The following C6orf62 variants were observed in gnomAD, a reference collection of about 807,000 sequenced individuals.
C6orf62 encodes uncharacterized protein C6orf62.
A neutral mutation model predicts 26.8 loss-of-function variants in C6orf62; 16 were observed. The ratio of observed to expected loss-of-function variants is 0.60; its 90% CI spans 0.40 to 0.91. C6orf62 has a LOEUF of 0.91. Among genes scored for constraint, C6orf62 ranks in the 40% least tolerant of loss-of-function variants. The probability of loss-of-function intolerance (pLI) is 0.00; values close to 1 mark genes in which losing one functional copy is unlikely to be tolerated. For synonymous variants in C6orf62, 112 were observed against 91.5 expected (o/e 1.22, Z -1.28); for missense variants, 192 against 271.4 (o/e 0.71, Z 2.06).
intron 1 of C6orf62, 66 bp downstream of exon 1, chr6:24,718,474 A>G: frequency 7.1e-7 from 1 of 1,414,528 alleles, no homozygotes; most frequent in Non-Finnish European, 9.8e-7. Context: ...ATAATTTAAG[A>G]GTAACAAATA....
intron 3 of C6orf62, among the ~76,000 whole-genome samples, chr6:24,712,192 C>A (rs1779132735): frequency 6.6e-6 from 1 of 151,738 alleles, no homozygotes; most frequent in South Asian, 2.1e-4. Flanking sequence ...CCACCCTGGC[C>A]AACATAGCAA....
At chr6:24,712,340 C>T (rs928080317) in intron 3 of C6orf62, among the ~76,000 whole-genome samples, 1 of 151,794 alleles carries the variant, frequency 6.6e-6, no homozygotes, top group Non-Finnish European at 1.5e-5. Flanking sequence ...CAAGATCACG[C>T]CACCACACTC....
At chr6:24,720,050 A>C, upstream of C6orf62, 13 of 1,317,050 alleles carry the variant, frequency 9.9e-6, 1 homozygote, top group South Asian at 1.8e-4. Flanking sequence ...AAGTTCCCGG[A>C]TTAGCTCTCT....
At chr6:24,709,243 G>C in intron 3 of C6orf62, 1 of 985,212 alleles carries the variant, frequency 1.0e-6, no homozygotes, top group African/African-American at 1.7e-5. Context: ...CTCCACAACA[G>C]CAGTTGATCA....
intron 3 of C6orf62, among the ~76,000 whole-genome samples, chr6:24,713,345 A>G (rs1362156433): frequency 6.6e-6 from 1 of 152,242 alleles, no homozygotes; most frequent in South Asian, 2.1e-4. Context: ...AATTAATCTT[A>G]AAACATTAAA....
At chr6:24,719,598 C>G, upstream of C6orf62, 1 of 1,399,532 alleles carries the variant, frequency 7.1e-7, no homozygotes, top group Non-Finnish European at 9.3e-7. Context: ...ATTAATTATT[C>G]CGGCTCTGTG....
Position 24,714,448 on chromosome 6 carries a change from A to T in C6orf62, c.307-8T>A. ...AGTACAGCCAATTACATCCTATAAA[A>T]TGATTAAAAAAAAAAAAGTTTACTT... is the stretch of plus-strand genomic sequence containing the variant. On this transcript the variant is annotated splice_region_variant and splice_polypyrimidine_tract_variant and intron_variant, in intron 2 of 4. Transcript: ENST00000378119. 6.5e-7 allele frequency: 1 copy of T among 1,542,038 alleles called. No homozygotes were observed. The highest frequency in any genetic ancestry group is 1.2e-5 in the South Asian group (1 of 82,208).
intron 3 of C6orf62, 57 bp downstream of exon 3, chr6:24,714,261 T>C: frequency 7.1e-7 from 1 of 1,410,646 alleles, no homozygotes; most frequent in South Asian, 1.4e-5. Flanking sequence ...TTAGACCCTA[T>C]TATATTCTAG....
intron 2 of C6orf62, 108 bp downstream of exon 2, chr6:24,716,040 G>T (rs1289245914): frequency 6.5e-6 from 5 of 772,788 alleles, no homozygotes; most frequent in Non-Finnish European, 1.1e-5. Context: ...TACCTGAAGA[G>T]ACTGGTCACT....
upstream of C6orf62, chr6:24,719,824 C>A: frequency 6.5e-7 from 1 of 1,547,812 alleles, no homozygotes; most frequent in South Asian, 1.2e-5. Context: ...CCGCAGGTCC[C>A]ACCCCCACCC....
At chr6:24,711,428 G>C (rs1779118440) in intron 3 of C6orf62, among the ~76,000 whole-genome samples, 1 of 152,152 alleles carries the variant, frequency 6.6e-6, no homozygotes, top group Non-Finnish European at 1.5e-5. Flanking sequence ...GTACACTGAA[G>C]AACTCAGTAT....
intron 3 of C6orf62, among the ~76,000 whole-genome samples, chr6:24,711,279 T>C (rs769679278): frequency 5.2e-4 from 78 of 149,320 alleles, no homozygotes; most frequent in Non-Finnish European, 7.8e-4. Flanking sequence ...CAACTTCTCA[T>C]AAGCAGCATG....
At chr6:24,709,532 A>T in intron 3 of C6orf62, 2 of 981,254 alleles carry the variant, frequency 2.0e-6, no homozygotes, top group Non-Finnish European at 2.4e-6. Flanking sequence ...GCTGTAACCC[A>T]TTTCACAGGA....
chr6:24,720,526 CAAAGA>C, upstream of C6orf62: 1 of 398,424 alleles, frequency 2.5e-6, no homozygotes, highest in Non-Finnish European at 3.5e-6. Flanking sequence ...AGAGGAAAAA[CAAAGA>C]GAAAGATGGG....
At chr6:24,720,372 G>A, upstream of C6orf62, 1 of 1,207,368 alleles carries the variant, frequency 8.3e-7, no homozygotes, top group Non-Finnish European at 1.0e-6. Flanking sequence ...CTCCATCCCC[G>A]CTGCAGTGCG....
At chr6:24,715,211 T>C (rs1779197788) in intron 2 of C6orf62, among the ~76,000 whole-genome samples, 2 of 152,248 alleles carry the variant, frequency 1.3e-5, no homozygotes, top group African/African-American at 4.8e-5. Context: ...AGCCAGCATA[T>C]TAATTTTTGA....
In C6orf62 at chr6:24,708,876, T is replaced by G. The variant is rs975242756; in HGVS notation, c.465A>C (p.Lys155Asn). Residue 155 changes from lysine (K) to asparagine (N), a missense_variant, in exon 4 of 5, where the codon AAA becomes AAC. Lys to Asn is a moderately conservative substitution (Grantham distance 94, BLOSUM62 0). Transcript: ENST00000378119. ...KFEFHHGDYE[K>N]QFLHVLSRKD... is the part of the protein sequence containing the mutation. ...TGCGGCTCAGTACATGCAGAAACTG[T>G]TTTTCATAGTCACCATGATGAAACT... The G allele has an allele frequency of 6.2e-7, 1 of 1,614,134 alleles. No individual in the cohort carries two copies. Among genetic ancestry groups the G allele is most frequent in the Non-Finnish European group, 8.5e-7 (1 of 1,180,022 alleles).
At chr6:24,708,686 A>C in intron 4 of C6orf62, 91 bp downstream of exon 4, 1 of 1,510,352 alleles carries the variant, frequency 6.6e-7, no homozygotes, top group Non-Finnish European at 9.1e-7. Context: ...TGTTTGGGGG[A>C]CACAACAATT....
In C6orf62 at chr6:24,717,727, A is replaced by G. The variant is rs570367225; in HGVS notation, c.129+813T>C. 4.6e-5 allele frequency among the ~76,000 whole-genome samples: 7 copies of G among 152,392 alleles called. No homozygotes were observed. The South Asian group carries it at 1.4e-3, about 32-fold the overall frequency. On this transcript the variant is annotated intron_variant, in intron 1 of 4. Transcript: ENST00000378119. Reference sequence around the variant, plus strand: ...AAGATTGTATTTCTGATCTGAAATTAGCTAACAATTTAAGCACCAAAATCC... The same window carrying G: ...AAGATTGTATTTCTGATCTGAAATTGGCTAACAATTTAAGCACCAAAATCC...
Sources: allele counts gnomAD v4.1 joint callset (sites outside exome capture counted in the v4.1 genomes callset), GRCh38; gene constraint gnomAD v4.1.1; transcripts MANE v1.5; gene names NCBI Gene and HGNC (gene_info 2026-07-23, HGNC 2026-07-21).